Variants in HACD2 observed in about 807,000 individuals in gnomAD.
HACD2 encodes 3-hydroxyacyl-CoA dehydratase 2.
HACD2 carries 15 observed loss-of-function variants against 31.0 expected under a neutral mutation model. The ratio of observed to expected loss-of-function variants is 0.48; its 90% CI spans 0.32 to 0.75. The LOEUF (loss-of-function observed/expected upper bound fraction) is 0.75, where lower values mean the gene tolerates loss of function less well. HACD2 is among the 30% of genes least tolerant of loss of function. The pLI is 0.03. For missense variants in HACD2, 283 were observed against 313.0 expected (o/e 0.90, Z 0.72); for synonymous variants, 115 against 122.2 (o/e 0.94, Z 0.39).
chr3:123,555,768 T>TA (rs1425659250), intron 3 of HACD2, among the ~76,000 whole-genome samples: 3 of 152,098 alleles, frequency 2.0e-5, no homozygotes, highest in Non-Finnish European at 2.9e-5. Context: ...ACCCATACAA[T>TA]ACTGAAAAAA....
chr3:123,536,166 C>T (rs2107714372), intron 3 of HACD2, among the ~76,000 whole-genome samples: 1 of 152,230 alleles, frequency 6.6e-6, no homozygotes, highest in Admixed American at 6.5e-5. Context: ...ATTTTAATGA[C>T]TGAGGCTTTA....
At chr3:123,572,167 T>C (rs1362151644) in intron 2 of HACD2, among the ~76,000 whole-genome samples, 1 of 152,082 alleles carries the variant, frequency 6.6e-6, no homozygotes, top group Non-Finnish European at 1.5e-5. Context: ...GCACACCTCA[T>C]CAAAAAAAAT....
chr3:123,555,344 T>G (rs1239497022), intron 3 of HACD2, among the ~76,000 whole-genome samples: 3 of 152,004 alleles, frequency 2.0e-5, no homozygotes, highest in East Asian at 3.9e-4. Context: ...TCTCAAAGAA[T>G]CTACAAACAC....
intron 4 of HACD2, among the ~76,000 whole-genome samples, chr3:123,522,127 G>A (rs2056223355): frequency 6.6e-6 from 1 of 152,024 alleles, no homozygotes; most frequent in South Asian, 2.1e-4. Flanking sequence ...GCAATGGTTC[G>A]AGACCGTGCC....
chr3:123,539,796 T>G (rs1016311361), intron 3 of HACD2, among the ~76,000 whole-genome samples: 10 of 145,174 alleles, frequency 6.9e-5, no homozygotes, highest in Non-Finnish European at 1.2e-4. Flanking sequence ...ATGAAAGAAA[T>G]AAAACCTGGG....
intron 3 of HACD2, among the ~76,000 whole-genome samples, chr3:123,545,477 G>A (rs2056547917): frequency 1.0e-5 from 1 of 97,274 alleles, no homozygotes; most frequent in African/African-American, 5.6e-5. Context: ...GCGAGACTTA[G>A]TCTCAGTAAA....
At chr3:123,522,532 G>A (rs549163908) in intron 4 of HACD2, among the ~76,000 whole-genome samples, 6 of 152,202 alleles carry the variant, frequency 3.9e-5, no homozygotes, top group Non-Finnish European at 7.4e-5. Context: ...TATAGGTAAC[G>A]GCAAAAGGAT....
At chr3:123,511,651 C>T (rs531922064) in intron 4 of HACD2, among the ~76,000 whole-genome samples, 1 of 152,250 alleles carries the variant, frequency 6.6e-6, no homozygotes, top group South Asian at 2.1e-4. Flanking sequence ...TTAATATGTC[C>T]ATGAAATGAC....
chr3:123,567,656 A>G, intron 3 of HACD2, 106 bp downstream of exon 3: 1 of 744,004 alleles, frequency 1.3e-6, no homozygotes, highest in Admixed American at 3.2e-5. Flanking sequence ...TGACTAAATC[A>G]TTTCATTTTT....
chr3:123,536,600 T>C (rs1467794522), intron 3 of HACD2, among the ~76,000 whole-genome samples: 1 of 152,142 alleles, frequency 6.6e-6, no homozygotes, highest in Non-Finnish European at 1.5e-5. Context: ...AAAAACTAAA[T>C]CTGCACTGAA....
chr3:123,561,897 C>T (rs958917541), intron 3 of HACD2, among the ~76,000 whole-genome samples: 4 of 152,116 alleles, frequency 2.6e-5, no homozygotes, highest in Admixed American at 1.3e-4. Flanking sequence ...TTGCAACCTC[C>T]GCCTCCTGGG....
chr3:123,561,226 T>C lies in HACD2; in HGVS notation c.292+6536A>G, dbSNP rs55661861. Among the ~76,000 whole-genome samples the C allele has an allele frequency of 6.0e-3, 908 of 152,278 alleles. 10 individuals carry two copies. The highest frequency in any genetic ancestry group is 0.021 in the African/African-American group (882 of 41,552). The stretch of plus-strand genomic sequence containing the variant: ...CTACCTGGCAACCTTTGTTACCTAA[T>C]AAAATCAGTCTGGAGCCATACGCTA... On this transcript the variant is annotated intron_variant, in intron 3 of 6. Coordinates refer to ENST00000383657, the MANE Select transcript of HACD2 (RefSeq NM_198402.5).
intron 4 of HACD2, among the ~76,000 whole-genome samples, chr3:123,505,455 C>T (rs2055963037): frequency 6.6e-6 from 1 of 152,160 alleles, no homozygotes; most frequent in Non-Finnish European, 1.5e-5. Context: ...AACCCCCAAA[C>T]CCACAGTAAC....
rs1420667322 is a variant in HACD2 at position 123,584,985 on chromosome 3, C to T, written c.43G>A (p.Gly15Ser). ...AATAAAKGNG[G>S]GGGRAGAGDA... ...CCGGCCCCGGCCCTGCCACCGCCGC[C>T]CCCATTCCCCTTCGCTGCTGCAGTC... Residue 15 changes from glycine (G) to serine (S), a missense_variant, in exon 1 of 7, where the codon GGC becomes AGC. Physicochemically the swap from Gly to Ser is moderately conservative, Grantham distance 56. Coordinates refer to ENST00000383657, the MANE Select transcript of HACD2 (RefSeq NM_198402.5). 5 of 1,525,662 alleles carry T rather than the reference C, an allele frequency of 3.3e-6. No individual in the cohort carries two copies. The highest frequency in any genetic ancestry group is 2.1e-5 in the Admixed American group (1 of 48,750). 94.5% of individuals were successfully genotyped at this position (1,525,662 alleles called of 1,614,324 possible).
intron 2 of HACD2, among the ~76,000 whole-genome samples, chr3:123,581,925 TC>T (rs892448575): frequency 6.6e-6 from 1 of 152,128 alleles, no homozygotes; most frequent in African/African-American, 2.4e-5. Context: ...TGCCAGTGCT[TC>T]CCCAGGATGT....
chr3:123,507,236 C>T (rs375215450), intron 4 of HACD2, among the ~76,000 whole-genome samples: 8 of 152,182 alleles, frequency 5.3e-5, no homozygotes, highest in South Asian at 4.2e-4. Flanking sequence ...GCCTGGGTGA[C>T]GAGCAAGACC....
chr3:123,501,135 A>G (rs2107680304), intron 5 of HACD2, among the ~76,000 whole-genome samples: 1 of 152,230 alleles, frequency 6.6e-6, no homozygotes, highest in East Asian at 1.9e-4. Flanking sequence ...AAGACTGAAC[A>G]ACAAAAAAAA....
chr3:123,566,266 G>C (rs1043354407), intron 3 of HACD2, among the ~76,000 whole-genome samples: 2 of 152,082 alleles, frequency 1.3e-5, no homozygotes, highest in Non-Finnish European at 2.9e-5. Context: ...GAAACCAGCA[G>C]AGATGCAAAT....
chr3:123,532,266 T>C (rs1230816188), intron 3 of HACD2, among the ~76,000 whole-genome samples: 1 of 152,154 alleles, frequency 6.6e-6, no homozygotes, highest in Non-Finnish European at 1.5e-5. Flanking sequence ...ACCTTAATTT[T>C]CCCCAAATCA....
Sources: allele counts gnomAD v4.1 joint callset (sites outside exome capture counted in the v4.1 genomes callset), GRCh38; gene constraint gnomAD v4.1.1; transcripts MANE v1.5; gene names NCBI Gene and HGNC (gene_info 2026-07-23, HGNC 2026-07-21).